ICA1L: variants seen among roughly 807,000 people sequenced by gnomAD.
The protein encoded by ICA1L is islet cell autoantigen 1 like.
Under a neutral mutation model 61.3 loss-of-function variants are expected in ICA1L, and 50 were observed. The observed-to-expected ratio is 0.82, with a 90% CI of 0.65 to 1.03. The LOEUF is 1.03. Ranked by LOEUF, ICA1L falls within the 50% of genes least tolerant of loss-of-function variation. ICA1L has a pLI of 0.00. For missense variants in ICA1L, 508 were observed against 556.7 expected (o/e 0.91, Z 0.88); for synonymous variants, 161 against 191.3 (o/e 0.84, Z 1.31).
chr2:202,867,411 C>T lies in ICA1L; in HGVS notation c.-8+4208G>A, dbSNP rs564294641. ...GAGCTATTGCTCCCAGGCTACAAACCTGTACAGCATGTTACTGTACTGAAT... is the reference window on the plus strand; with the variant it reads ...GAGCTATTGCTCCCAGGCTACAAACTTGTACAGCATGTTACTGTACTGAAT... On this transcript the variant is annotated intron_variant, in intron 1 of 12. Transcript: ENST00000358299. Among the ~76,000 whole-genome samples, 3 of 152,298 alleles carry T rather than the reference C, an allele frequency of 2.0e-5. No homozygotes were observed. The South Asian group carries it at 6.2e-4, about 32-fold the overall frequency.
intron 1 of ICA1L, among the ~76,000 whole-genome samples, chr2:202,862,574 C>G (rs1032207565): frequency 2.6e-5 from 4 of 152,090 alleles, no homozygotes; most frequent in Admixed American, 2.6e-4. Context: ...TGGTGGCTCA[C>G]GCCTGTAATC....
intron 1 of ICA1L, among the ~76,000 whole-genome samples, chr2:202,847,273 C>T (rs900377479): frequency 6.6e-6 from 1 of 152,112 alleles, no homozygotes; most frequent in African/African-American, 2.4e-5. Flanking sequence ...AGCAGTTTTG[C>T]CCCAGAAAAA....
At position 202,789,677 on chromosome 2, in the gene ICA1L, C is replaced by T. The variant is rs116584234; in HGVS notation, c.986-590G>A. On this transcript the variant is annotated intron_variant, in intron 10 of 12. Transcript: ENST00000358299. ...AACTATAAAAACAAAAAGGTTGTTACACCTGTAAATCTTAAAACCTTCTAC... is the reference window on the plus strand; with the variant it reads ...AACTATAAAAACAAAAAGGTTGTTATACCTGTAAATCTTAAAACCTTCTAC... Among the ~76,000 whole-genome samples, 481 of 152,302 alleles carry T rather than the reference C, an allele frequency of 3.2e-3. 5 individuals are homozygous for T. The highest frequency in any genetic ancestry group is 0.011 in the African/African-American group (464 of 41,562).
At chr2:202,799,612 AG>A (rs1693034384) in intron 9 of ICA1L, among the ~76,000 whole-genome samples, 1 of 152,116 alleles carries the variant, frequency 6.6e-6, no homozygotes, top group African/African-American at 2.4e-5. Flanking sequence ...GAAGCTTTTT[AG>A]TTTAATTAAG....
intron 10 of ICA1L, 49 bp from the exon 11 acceptor site, chr2:202,789,136 G>T (rs780625261): frequency 6.9e-7 from 1 of 1,453,048 alleles, no homozygotes; most frequent in Non-Finnish European, 9.5e-7. Context: ...TTTAGGAAAT[G>T]AGAGTAAGAC....
chr2:202,853,325 C>T, intron 1 of ICA1L, among the ~76,000 whole-genome samples: 1 of 150,860 alleles, frequency 6.6e-6, no homozygotes, highest in Non-Finnish European at 1.5e-5. Flanking sequence ...CCACTGCACT[C>T]CAGCCTGGGC....
intron 10 of ICA1L, among the ~76,000 whole-genome samples, chr2:202,793,813 C>T (rs549464740): frequency 6.6e-6 from 1 of 151,236 alleles, no homozygotes. Flanking sequence ...ATGGTGAAAC[C>T]CCATCTCTAC....
chr2:202,861,121 T>C (rs1574387291), intron 1 of ICA1L, among the ~76,000 whole-genome samples: 1 of 152,092 alleles, frequency 6.6e-6, no homozygotes, highest in Non-Finnish European at 1.5e-5. Flanking sequence ...TCCCAGCTAC[T>C]TGGGAGGCTG....
At chr2:202,807,022 C>T (rs1473469119) in intron 9 of ICA1L, among the ~76,000 whole-genome samples, 1 of 152,160 alleles carries the variant, frequency 6.6e-6, no homozygotes, top group Non-Finnish European at 1.5e-5. Context: ...TTAAAAGCAC[C>T]TATCTTTGGG....
At chr2:202,865,452 A>C (rs557526595) in intron 1 of ICA1L, among the ~76,000 whole-genome samples, 4 of 151,670 alleles carry the variant, frequency 2.6e-5, no homozygotes, top group African/African-American at 9.7e-5. Context: ...CTGGGTGACA[A>C]AGCAAGACTC....
rs770053574 is a variant in ICA1L, at chr2:202,825,757, G to A, written c.173C>T (p.Ser58Phe). ...ELDAKLEVFH[S>F]VQETCTELLK... Reference sequence around the variant, plus strand: ...AAGTTCAGTGCATGTCTCTTGAACAGAGTGAAAAACCTTGAGATATAAATT... The same window carrying A: ...AAGTTCAGTGCATGTCTCTTGAACAAAGTGAAAAACCTTGAGATATAAATT... The change falls in exon 3 of 13, where the codon TCT (serine) becomes TTT (phenylalanine). Residue 58 changes from serine (S) to phenylalanine (F), a missense_variant. Physicochemically the swap from Ser to Phe is radical, Grantham distance 155. Coordinates refer to ENST00000358299, the MANE Select transcript of ICA1L (RefSeq NM_001288622.3). 3 of 1,565,264 alleles carry A rather than the reference G, an allele frequency of 1.9e-6. No homozygotes were observed. Among genetic ancestry groups the A allele is most frequent in the South Asian group, 1.2e-5 (1 of 84,420 alleles).
At chr2:202,866,112 G>A (rs1687504125) in intron 1 of ICA1L, among the ~76,000 whole-genome samples, 1 of 152,104 alleles carries the variant, frequency 6.6e-6, no homozygotes, top group African/African-American at 2.4e-5. Context: ...TCTGACAAGG[G>A]CACTGACATA....
intron 3 of ICA1L, among the ~76,000 whole-genome samples, chr2:202,823,630 C>T (rs1693756690): frequency 6.6e-6 from 1 of 152,210 alleles, no homozygotes; most frequent in Non-Finnish European, 1.5e-5. Context: ...ACTCTTCTGC[C>T]TATGCAGGCT....
At chr2:202,817,983 T>C (rs114569460) in intron 5 of ICA1L, among the ~76,000 whole-genome samples, 2,039 of 152,258 alleles carry the variant, frequency 0.013, 51 homozygotes, top group African/African-American at 0.047. Context: ...ATTTCTTGAA[T>C]AAATGGTGAG....
intron 9 of ICA1L, 107 bp downstream of exon 9, chr2:202,811,639 G>A: frequency 3.8e-6 from 3 of 780,630 alleles, no homozygotes; most frequent in South Asian, 1.7e-5. Context: ...TCCAGCCTGG[G>A]GGACAGAGCA....
intron 1 of ICA1L, among the ~76,000 whole-genome samples, chr2:202,837,450 A>AT (rs1477919186): frequency 1.3e-5 from 2 of 150,848 alleles, no homozygotes; most frequent in Non-Finnish European, 3.0e-5. Context: ...CACCCAGCTA[A>AT]TTTTTTGTAT....
At chr2:202,804,481 G>A (rs906102348) in intron 9 of ICA1L, among the ~76,000 whole-genome samples, 4 of 151,968 alleles carry the variant, frequency 2.6e-5, no homozygotes, top group African/African-American at 9.7e-5. Flanking sequence ...GTTTCTTTGT[G>A]GCACCAAGAA....
At chr2:202,819,930 T>C (rs769567005) in intron 4 of ICA1L, 31 bp from the exon 5 acceptor site, 1 of 1,515,660 alleles carries the variant, frequency 6.6e-7, no homozygotes, top group Non-Finnish European at 9.1e-7. Flanking sequence ...ATCAGAGGGT[T>C]GAACACATCA....
intron 1 of ICA1L, among the ~76,000 whole-genome samples, chr2:202,847,540 A>G (rs1694495364): frequency 6.6e-6 from 1 of 152,032 alleles, no homozygotes; most frequent in Non-Finnish European, 1.5e-5. Context: ...CCTCATCAGT[A>G]AAATACGAAT....
Sources: allele counts gnomAD v4.1 joint callset (sites outside exome capture counted in the v4.1 genomes callset), GRCh38; gene constraint gnomAD v4.1.1; transcripts MANE v1.5; gene names NCBI Gene and HGNC (gene_info 2026-07-23, HGNC 2026-07-21).